Variants in RBFOX1 observed in about 807,000 individuals in gnomAD.
The protein encoded by RBFOX1 is RNA binding protein fox-1 homolog 1.
RBFOX1 carries 8 observed loss-of-function variants against 57.7 expected under a neutral mutation model. That is an observed-to-expected ratio of 0.14 (90% confidence interval 0.08 to 0.25). The LOEUF (loss-of-function observed/expected upper bound fraction) is 0.25, where lower values mean the gene tolerates loss of function less well. RBFOX1 is among the 10% of genes least tolerant of loss of function. The pLI, the probability that RBFOX1 is intolerant of heterozygous loss-of-function variation, is 1.00. For missense variants in RBFOX1, 611 were observed against 548.5 expected (o/e 1.11, Z -1.14); for synonymous variants, 326 against 222.4 (o/e 1.47, Z -4.15).
chr16:6,340,197 G>A lies in RBFOX1; in HGVS notation c.-64+23140G>A, dbSNP rs116512238. ...TCAGTGCTAACAAGAGTGATGAATA[G>A]TATGGGTGCTAAGGGGTCACGAAAC... On this transcript the variant is annotated intron_variant, in intron 2 of 15. Transcript: ENST00000550418. 9.1e-3 allele frequency among the ~76,000 whole-genome samples: 1,384 copies of A among 152,266 alleles called. 22 individuals carry two copies. The highest frequency in any genetic ancestry group is 0.032 in the African/African-American group (1,318 of 41,534).
At chr16:6,689,397 G>C (rs1015587590) in intron 3 of RBFOX1, among the ~76,000 whole-genome samples, 5 of 151,856 alleles carry the variant, frequency 3.3e-5, no homozygotes, top group African/African-American at 1.2e-4. Flanking sequence ...ATTTGATGTG[G>C]GCAATAGATA....
chr16:5,295,211 C>G (rs945277918), intron 1 of RBFOX1, among the ~76,000 whole-genome samples: 3 of 152,008 alleles, frequency 2.0e-5, no homozygotes, highest in African/African-American at 7.2e-5. Flanking sequence ...GCATCACAGC[C>G]TGGCATAACT....
chr16:5,625,351 C>G (rs193196508), intron 3 of RBFOX1, among the ~76,000 whole-genome samples: 1 of 152,130 alleles, frequency 6.6e-6, no homozygotes, highest in Non-Finnish European at 1.5e-5. Flanking sequence ...CACTCTGATG[C>G]TCACTGCAGT....
chr16:7,249,209 T>G (rs991935292), intron 4 of RBFOX1, among the ~76,000 whole-genome samples: 3 of 152,232 alleles, frequency 2.0e-5, no homozygotes, highest in Non-Finnish European at 4.4e-5. Context: ...TTTTTAAATG[T>G]TTTTGCAAGG....
chr16:5,434,339 T>TTTTTTTTTA (rs2067849510), intron 1 of RBFOX1, among the ~76,000 whole-genome samples: 3 of 147,058 alleles, frequency 2.0e-5, no homozygotes, highest in Admixed American at 6.9e-5. Context: ...TTTTTTTTTT[T>TTTTTTTTTA]GAGGCAGGGT....
At chr16:6,657,612 C>A (rs1457909188) in intron 3 of RBFOX1, among the ~76,000 whole-genome samples, 2 of 152,156 alleles carry the variant, frequency 1.3e-5, no homozygotes, top group Non-Finnish European at 2.9e-5. Flanking sequence ...GTTGCTCACG[C>A]ACGTGTGTGT....
chr16:7,656,518 T>A (rs899514293), intron 12 of RBFOX1, among the ~76,000 whole-genome samples: 10 of 145,256 alleles, frequency 6.9e-5, no homozygotes, highest in African/African-American at 2.5e-4. Context: ...GCAAGTAGCA[T>A]AGAGGTTAGA....
intron 4 of RBFOX1, among the ~76,000 whole-genome samples, chr16:7,474,068 C>G (rs1181320399): frequency 6.6e-6 from 1 of 152,154 alleles, no homozygotes; most frequent in East Asian, 1.9e-4. Context: ...GAGGGCGGAT[C>G]ACGAGGTCAG....
At chr16:7,260,767 G>A (rs898356748) in intron 4 of RBFOX1, among the ~76,000 whole-genome samples, 2 of 152,148 alleles carry the variant, frequency 1.3e-5, no homozygotes, top group Admixed American at 6.5e-5. Context: ...CACAGGGACT[G>A]ATTCCCTAGG....
intron 10 of RBFOX1, among the ~76,000 whole-genome samples, chr16:7,612,889 C>T (rs12923556): frequency 3.3e-5 from 5 of 152,000 alleles, no homozygotes; most frequent in African/African-American, 7.2e-5. Context: ...ATCAGCGGGA[C>T]TATAAGGCAG....
chr16:5,638,482 TCTGC>T (rs1160708247), intron 3 of RBFOX1, among the ~76,000 whole-genome samples: 1 of 152,124 alleles, frequency 6.6e-6, no homozygotes, highest in African/African-American at 2.4e-5. Flanking sequence ...TACTTTTCCC[TCTGC>T]CTGCAGCTGC....
intron 3 of RBFOX1, among the ~76,000 whole-genome samples, chr16:6,999,066 A>G (rs981454319): frequency 2.0e-5 from 3 of 150,856 alleles, no homozygotes; most frequent in Non-Finnish European, 4.5e-5. Flanking sequence ...ACAGGGTTTC[A>G]CCATGTTGGC....
At position 7,057,415 on chromosome 16, in the gene RBFOX1, G is replaced by C. The variant is rs77763386; in HGVS notation, c.27+5317G>C. ...CTCCTGTCTTTGTTTCTGTTTATGGGTCCACTCTGGATTTTTCTTTTGATA... is the reference window on the plus strand; with the variant it reads ...CTCCTGTCTTTGTTTCTGTTTATGGCTCCACTCTGGATTTTTCTTTTGATA... On this transcript the variant is annotated intron_variant, in intron 4 of 15. Transcript: ENST00000550418. Among the ~76,000 whole-genome samples, 767 of 152,248 alleles carry C rather than the reference G, an allele frequency of 5.0e-3. 9 individuals carry two copies. The highest frequency in any genetic ancestry group is 0.018 in the African/African-American group (732 of 41,542).
At chr16:5,639,436 T>C (rs897013495) in intron 3 of RBFOX1, among the ~76,000 whole-genome samples, 2 of 152,148 alleles carry the variant, frequency 1.3e-5, no homozygotes, top group African/African-American at 4.8e-5. Context: ...TCAACAGAAG[T>C]CTTGATATGA....
intron 3 of RBFOX1, among the ~76,000 whole-genome samples, chr16:5,632,834 C>T (rs1343479053): frequency 6.6e-6 from 1 of 152,094 alleles, no homozygotes; most frequent in Non-Finnish European, 1.5e-5. Flanking sequence ...GCTGGGAGAA[C>T]TGCAGCACAC....
At chr16:6,707,773 A>C (rs1044235098) in intron 3 of RBFOX1, among the ~76,000 whole-genome samples, 1 of 152,180 alleles carries the variant, frequency 6.6e-6, no homozygotes, top group Non-Finnish European at 1.5e-5. Flanking sequence ...GTAGGAGACC[A>C]AAAGAGAAAG....
chr16:5,695,122 C>T (rs1741169377), intron 3 of RBFOX1, among the ~76,000 whole-genome samples: 1 of 151,994 alleles, frequency 6.6e-6, no homozygotes, highest in Admixed American at 6.5e-5. Flanking sequence ...AGTCCTACAA[C>T]CTTGACATAA....
At chr16:7,352,684 GC>G (rs923714102) in intron 4 of RBFOX1, among the ~76,000 whole-genome samples, 2 of 152,050 alleles carry the variant, frequency 1.3e-5, no homozygotes, top group Admixed American at 1.3e-4. Flanking sequence ...TCCTGGATCT[GC>G]CCCTCAATGT....
chr16:7,432,298 T>C (rs1028009518), intron 4 of RBFOX1, among the ~76,000 whole-genome samples: 3 of 152,192 alleles, frequency 2.0e-5, no homozygotes, highest in Non-Finnish European at 4.4e-5. Context: ...GGGATTTTGG[T>C]AAAATTCTCT....
Sources: gnomAD v4.1 joint callset for allele counts (sites outside exome capture counted in the v4.1 genomes callset) on GRCh38, gnomAD v4.1.1 for gene constraint, MANE v1.5 for transcripts, NCBI Gene and HGNC (gene_info 2026-07-23, HGNC 2026-07-21) for gene names.